The following SH3RF1 variants were observed in gnomAD, a reference collection of about 807,000 sequenced individuals.
The protein encoded by SH3RF1 is SH3 domain containing ring finger 1.
A neutral mutation model predicts 74.0 loss-of-function variants in SH3RF1; 32 were observed. That is an observed-to-expected ratio of 0.43 (90% CI 0.33 to 0.58). The LOEUF is 0.58. Ranked by LOEUF, SH3RF1 falls within the 20% of genes least tolerant of loss-of-function variation. The probability of loss-of-function intolerance (pLI) is 0.05; values close to 1 mark genes in which losing one functional copy is unlikely to be tolerated. For missense variants in SH3RF1, 954 were observed against 1,130.9 expected (o/e 0.84, Z 2.24); for synonymous variants, 396 against 439.6 (o/e 0.90, Z 1.24).
At position 169,116,478 on chromosome 4, in the gene SH3RF1, T is replaced by A. The variant is rs767073033; in HGVS notation, c.1930A>T (p.Thr644Ser). Residue 644 changes from threonine (T) to serine (S), a missense_variant, in exon 10 of 12, where the codon ACT (threonine) becomes TCT (serine). This residue lies in a region of SH3RF1 where 854 missense variants were observed against 962.5 expected (regional missense o/e 0.89). Transcript: ENST00000284637. ...GCTCGACTGATACTGATGGCAGCAG[T>A]GTGCGTGGCTGAGCCTGGCATCAGA... ...APLMPGSATH[T>S]AAISISRASA... The A allele has an allele frequency of 3.7e-6, 6 of 1,613,528 alleles. No homozygotes were observed. The South Asian group carries it at 6.6e-5, about 18-fold the overall frequency.
At chr4:169,133,626 A>G (rs1242956791) in intron 5 of SH3RF1, among the ~76,000 whole-genome samples, 1 of 151,504 alleles carries the variant, frequency 6.6e-6, no homozygotes, top group Non-Finnish European at 1.5e-5. Context: ...AAAAATATAA[A>G]AACTAGCCGG....
intron 2 of SH3RF1, among the ~76,000 whole-genome samples, chr4:169,267,736 T>C (rs918828167): frequency 1.3e-5 from 2 of 152,318 alleles, no homozygotes; most frequent in Admixed American, 6.5e-5. Flanking sequence ...TAAAACTGCC[T>C]GGTATCCACA....
intron 2 of SH3RF1, among the ~76,000 whole-genome samples, chr4:169,163,126 A>C (rs974511694): frequency 1.2e-4 from 18 of 152,088 alleles, no homozygotes; most frequent in African/African-American, 4.3e-4. Context: ...AACTAGAGAT[A>C]AAGGAAAGTA....
chr4:169,097,917 G>T (rs1732958818), intron 11 of SH3RF1, among the ~76,000 whole-genome samples: 1 of 152,236 alleles, frequency 6.6e-6, no homozygotes, highest in African/African-American at 2.4e-5. Flanking sequence ...TCTCTATGGA[G>T]AGGAAACACA....
chr4:169,192,824 A>G (rs1561049414), intron 2 of SH3RF1, among the ~76,000 whole-genome samples: 1 of 148,296 alleles, frequency 6.7e-6, no homozygotes, highest in Admixed American at 6.8e-5. Flanking sequence ...TATGTGATAT[A>G]TATATCATAT....
rs34108534 is a variant in SH3RF1, at chr4:169,212,057, CTTTTTTTT to C, written c.394-55386_394-55379del. 1.7e-4 allele frequency among the ~76,000 whole-genome samples: 8 copies of C among 48,266 alleles called. No homozygotes were observed. In the East Asian group the frequency reaches 2.6e-3, roughly 16 times the overall value. The allele number at this position is 48,266 out of a possible 152,430, so 31.7% of individuals were successfully genotyped here. On this transcript the variant is annotated intron_variant, in intron 2 of 11. Coordinates refer to ENST00000284637, the MANE Select transcript of SH3RF1 (RefSeq NM_020870.4). ...TTCTAATTTTTTTTTCTTTTCTTTT[CTTTTTTTT>C]TTTTTTTTTTTTTTTTGAGACAGAG...
chr4:169,124,072 T>G (rs1471869164), intron 6 of SH3RF1, among the ~76,000 whole-genome samples: 1 of 152,138 alleles, frequency 6.6e-6, no homozygotes, highest in Non-Finnish European at 1.5e-5. Flanking sequence ...TGGATAATAA[T>G]GCATCAGCAG....
In SH3RF1 at chr4:169,238,965, C is replaced by A. The variant is rs1356011856; in HGVS notation, c.393+29855G>T. ...TAAATGACTTCAAAGCTAATTTCCG[C>A]CCCCCCCCACCCCTTGCCCTTTTTC... On this transcript the variant is annotated intron_variant, in intron 2 of 11. Transcript: ENST00000284637. Among the ~76,000 whole-genome samples, 15 of 2,886 alleles carry A rather than the reference C, an allele frequency of 5.2e-3. No individual in the cohort carries two copies. In the South Asian group the frequency reaches 0.5, roughly 96 times the overall value. The allele number at this position is 2,886 out of a possible 152,430, so 1.9% of individuals were successfully genotyped here.
intron 2 of SH3RF1, among the ~76,000 whole-genome samples, chr4:169,226,642 A>T (rs968296673): frequency 1.3e-5 from 2 of 152,224 alleles, no homozygotes; most frequent in African/African-American, 4.8e-5. Flanking sequence ...ACTTTAGGTC[A>T]GTAGCTTTTT....
intron 2 of SH3RF1, among the ~76,000 whole-genome samples, chr4:169,228,243 T>C (rs949862119): frequency 6.6e-6 from 1 of 152,196 alleles, no homozygotes; most frequent in Non-Finnish European, 1.5e-5. Flanking sequence ...CACATTTCAG[T>C]AGACATGTGT....
intron 4 of SH3RF1, among the ~76,000 whole-genome samples, chr4:169,155,000 G>T (rs1310738005): frequency 6.6e-6 from 1 of 152,142 alleles, no homozygotes; most frequent in Non-Finnish European, 1.5e-5. Context: ...GTAGTTGCTG[G>T]GATGGGATGG....
chr4:169,187,243 G>A (rs190627431), intron 2 of SH3RF1, among the ~76,000 whole-genome samples: 5 of 152,278 alleles, frequency 3.3e-5, no homozygotes, highest in Non-Finnish European at 7.4e-5. Flanking sequence ...GTGTCACCCA[G>A]GCTAGAGCGC....
intron 2 of SH3RF1, among the ~76,000 whole-genome samples, chr4:169,226,088 A>G (rs912304899): frequency 6.6e-6 from 1 of 152,194 alleles, no homozygotes; most frequent in Non-Finnish European, 1.5e-5. Context: ...TAATGCCATT[A>G]TTCTACTTAA....
At chr4:169,268,534 A>C (rs1731390726) in intron 2 of SH3RF1, among the ~76,000 whole-genome samples, 1 of 152,232 alleles carries the variant, frequency 6.6e-6, no homozygotes, top group Non-Finnish European at 1.5e-5. Flanking sequence ...ACAGAACAAA[A>C]GCTGGTTTAG....
intron 2 of SH3RF1, among the ~76,000 whole-genome samples, chr4:169,160,138 GC>G (rs1734128265): frequency 6.6e-6 from 1 of 151,918 alleles, no homozygotes; most frequent in Non-Finnish European, 1.5e-5. Context: ...GCTCTGTTTG[GC>G]CCACTCTGTC....
chr4:169,206,854 GC>G (rs2126993575), intron 2 of SH3RF1, among the ~76,000 whole-genome samples: 1 of 152,290 alleles, frequency 6.6e-6, no homozygotes, highest in African/African-American at 2.4e-5. Context: ...AAAGAAAGAG[GC>G]CAGGTTCAGT....
chr4:169,243,083 T>C (rs1329829548), intron 2 of SH3RF1, among the ~76,000 whole-genome samples: 1 of 152,190 alleles, frequency 6.6e-6, no homozygotes, highest in African/African-American at 2.4e-5. Context: ...CCCAAATCCA[T>C]ACTACTTTTA....
Position 169,130,029 on chromosome 4 carries a change from G to T in SH3RF1, c.1179+17C>A. ...AAGACCTAAAAGAGAAATAAAAATGGGAGAAACTATACTCACTCCAAGGGC... is the reference window on the plus strand; with the variant it reads ...AAGACCTAAAAGAGAAATAAAAATGTGAGAAACTATACTCACTCCAAGGGC... On this transcript the variant is annotated intron_variant, in intron 6 of 11. Transcript: ENST00000284637. The T allele has an allele frequency of 6.3e-7, 1 of 1,599,758 alleles. No homozygotes were observed. Among genetic ancestry groups the T allele is most frequent in the Non-Finnish European group, 8.6e-7 (1 of 1,168,314 alleles).
intron 2 of SH3RF1, among the ~76,000 whole-genome samples, chr4:169,205,495 G>C (rs1448611093): frequency 6.6e-6 from 1 of 152,108 alleles, no homozygotes; most frequent in Non-Finnish European, 1.5e-5. Flanking sequence ...ACCAAAAACT[G>C]CAGGCCAATT....
Sources: gnomAD v4.1 joint callset for allele counts (sites outside exome capture counted in the v4.1 genomes callset) on GRCh38, gnomAD v4.1.1 for gene constraint, gnomAD v4.1.1 regional missense constraint, MANE v1.5 for transcripts, NCBI Gene and HGNC (gene_info 2026-07-23, HGNC 2026-07-21) for gene names.